Variants in SLC24A3 observed in about 807,000 individuals in gnomAD.
SLC24A3 encodes the protein sodium/potassium/calcium exchanger 3.
A neutral mutation model predicts 75.8 loss-of-function variants in SLC24A3; 28 were observed. The observed-to-expected ratio is 0.37, with a 90% CI of 0.27 to 0.51. The LOEUF (loss-of-function observed/expected upper bound fraction) is 0.51, where lower values mean the gene tolerates loss of function less well. Among genes scored for constraint, SLC24A3 ranks in the 20% least tolerant of loss-of-function variants. The probability of loss-of-function intolerance (pLI) is 0.94; values close to 1 mark genes in which losing one functional copy is unlikely to be tolerated. For missense variants in SLC24A3, 663 were observed against 847.8 expected, an observed-to-expected ratio of 0.78 and a Z score of 2.71; for synonymous variants, 372 against 334.1, an observed-to-expected ratio of 1.11 and a Z score of -1.24.
chr20:19,717,507 A>T (rs570893570), intron 15 of SLC24A3, 21 bp from the exon 16 acceptor site: 1 of 1,613,242 alleles, frequency 6.2e-7, no homozygotes, highest in Non-Finnish European at 8.5e-7. Context: ...TCAGAAGCCT[A>T]ACTCTAACCC....
At chr20:19,686,046 T>C (rs1393079644) in intron 12 of SLC24A3, among the ~76,000 whole-genome samples, 1 of 152,224 alleles carries the variant, frequency 6.6e-6, no homozygotes, top group Admixed American at 6.5e-5. Flanking sequence ...AGTTTTTATA[T>C]TAATTCAAAA....
chr20:19,302,183 A>G (rs994225165), intron 2 of SLC24A3, among the ~76,000 whole-genome samples: 8 of 152,236 alleles, frequency 5.3e-5, no homozygotes, highest in Admixed American at 3.9e-4. Context: ...AAGCTGGTGG[A>G]CTATATTTCC....
At chr20:19,667,215 T>A (rs1240878435) in intron 8 of SLC24A3, among the ~76,000 whole-genome samples, 1 of 152,228 alleles carries the variant, frequency 6.6e-6, no homozygotes, top group African/African-American at 2.4e-5. Context: ...AAGATACTTT[T>A]GCTAACTCTC....
chr20:19,542,472 G>T (rs574580496), intron 3 of SLC24A3, among the ~76,000 whole-genome samples: 3 of 152,124 alleles, frequency 2.0e-5, no homozygotes, highest in South Asian at 4.2e-4. Context: ...AGTTGCCAAG[G>T]TTTATTTTCT....
At chr20:19,685,489 A>G (rs2032665900) in intron 12 of SLC24A3, 128 bp downstream of exon 12, 1 of 1,431,502 alleles carries the variant, frequency 7.0e-7, no homozygotes, top group East Asian at 2.3e-5. Flanking sequence ...GACTATGTAT[A>G]TCAAGTCTCC....
At chr20:19,484,216 G>T (rs1988097271) in intron 2 of SLC24A3, among the ~76,000 whole-genome samples, 1 of 152,144 alleles carries the variant, frequency 6.6e-6, no homozygotes, top group African/African-American at 2.4e-5. Flanking sequence ...GCATAATGAG[G>T]TATCTTGGAG....
intron 3 of SLC24A3, among the ~76,000 whole-genome samples, chr20:19,527,216 T>C (rs886241794): frequency 1.3e-5 from 2 of 152,158 alleles, no homozygotes; most frequent in Non-Finnish European, 2.9e-5. Context: ...AAATTCCCAC[T>C]TTTCTTTGTT....
intron 6 of SLC24A3, among the ~76,000 whole-genome samples, chr20:19,603,278 C>T (rs969341956): frequency 5.9e-5 from 9 of 152,252 alleles, no homozygotes; most frequent in Admixed American, 1.3e-4. Context: ...AGCATCTGCC[C>T]GCTGAACAGA....
At chr20:19,478,654 G>A (rs1234288976) in intron 2 of SLC24A3, among the ~76,000 whole-genome samples, 1 of 152,150 alleles carries the variant, frequency 6.6e-6, no homozygotes, top group Admixed American at 6.5e-5. Context: ...CCACCAACAA[G>A]AGGAGTCTGG....
intron 1 of SLC24A3, among the ~76,000 whole-genome samples, chr20:19,265,022 C>G (rs1983120249): frequency 1.3e-5 from 2 of 152,166 alleles, no homozygotes; most frequent in Non-Finnish European, 2.9e-5. Flanking sequence ...CTACTTGCAC[C>G]CAAGTCCTTG....
At chr20:19,646,669 G>A (rs993258020) in intron 6 of SLC24A3, among the ~76,000 whole-genome samples, 2 of 152,188 alleles carry the variant, frequency 1.3e-5, no homozygotes, top group Non-Finnish European at 2.9e-5. Context: ...CCAGCACCCT[G>A]ATCAAGAGGG....
chr20:19,517,436 A>G (rs1435321505), intron 3 of SLC24A3, among the ~76,000 whole-genome samples: 1 of 152,122 alleles, frequency 6.6e-6, no homozygotes, highest in Non-Finnish European at 1.5e-5. Flanking sequence ...CTTGCTCTTC[A>G]TGAGCCCAGG....
At chr20:19,621,934 A>G (rs973575363) in intron 6 of SLC24A3, among the ~76,000 whole-genome samples, 1 of 152,196 alleles carries the variant, frequency 6.6e-6, no homozygotes, top group Non-Finnish European at 1.5e-5. Context: ...CAGATCTGTC[A>G]TGCTCATCAG....
intron 3 of SLC24A3, among the ~76,000 whole-genome samples, chr20:19,562,291 A>G: frequency 6.6e-6 from 1 of 152,186 alleles, no homozygotes; most frequent in Non-Finnish European, 1.5e-5. Context: ...TAACAGCCGT[A>G]GAACCAAAAT....
chr20:19,641,041 T>C (rs557689464), intron 6 of SLC24A3, among the ~76,000 whole-genome samples: 1 of 152,346 alleles, frequency 6.6e-6, no homozygotes, highest in Admixed American at 6.5e-5. Context: ...TAAAGTGCAG[T>C]AATTAGATTT....
At chr20:19,514,921 T>G (rs1048849795) in intron 2 of SLC24A3, among the ~76,000 whole-genome samples, 1 of 152,060 alleles carries the variant, frequency 6.6e-6, no homozygotes. Context: ...CTAAGCCAGG[T>G]CAGGCAAAGT....
chr20:19,438,649 T>C (rs151149302), intron 2 of SLC24A3, among the ~76,000 whole-genome samples: 2 of 152,218 alleles, frequency 1.3e-5, no homozygotes, highest in African/African-American at 4.8e-5. Context: ...GTAGGTAGTG[T>C]AGACACCAAG....
chr20:19,278,030 G>A (rs202073711), intron 1 of SLC24A3, among the ~76,000 whole-genome samples: 2 of 151,822 alleles, frequency 1.3e-5, no homozygotes, highest in African/African-American at 2.4e-5. Flanking sequence ...GTGCTCGACC[G>A]ATATTACTTG....
chr20:19,690,630 C>T (rs775251475), intron 12 of SLC24A3, among the ~76,000 whole-genome samples: 6 of 152,162 alleles, frequency 3.9e-5, no homozygotes, highest in Admixed American at 2.0e-4. Context: ...AATGCCTTAT[C>T]AGCACATTGC....
Sources: gnomAD v4.1 joint callset for allele counts (sites outside exome capture counted in the v4.1 genomes callset) on GRCh38, gnomAD v4.1.1 for gene constraint, MANE v1.5 for transcripts, NCBI Gene and HGNC (gene_info 2026-07-23, HGNC 2026-07-21) for gene names.